ASTN2: variants seen among roughly 807,000 people sequenced by gnomAD.
ASTN2 encodes the protein astrotactin 2.
A neutral mutation model predicts 139.8 loss-of-function variants in ASTN2; 54 were observed. The observed-to-expected ratio is 0.39, with a 90% CI of 0.31 to 0.48. ASTN2 has a LOEUF of 0.48. Ranked by LOEUF, ASTN2 falls within the 20% of genes least tolerant of loss-of-function variation. The probability of loss-of-function intolerance (pLI) is 0.95; values close to 1 mark genes in which losing one functional copy is unlikely to be tolerated. For missense variants in ASTN2, 1,565 were observed against 1,725.1 expected, an observed-to-expected ratio of 0.91 and a Z score of 1.64; for synonymous variants, 756 against 719.5, an observed-to-expected ratio of 1.05 and a Z score of -0.81.
intron 4 of ASTN2, among the ~76,000 whole-genome samples, chr9:117,130,557 G>A (rs558930697): frequency 2.6e-5 from 4 of 152,148 alleles, no homozygotes; most frequent in South Asian, 2.1e-4. Context: ...CCTTAAGCCC[G>A]GGGGGCTTCC....
At chr9:116,928,400 A>G (rs112959879) in intron 10 of ASTN2, among the ~76,000 whole-genome samples, 4,342 of 152,158 alleles carry the variant, frequency 0.029, 229 homozygotes, top group African/African-American at 0.1. Context: ...AAAATTCCAC[A>G]TATAGATTTG....
chr9:116,641,801 T>C (rs564589978), intron 17 of ASTN2, among the ~76,000 whole-genome samples: 5 of 152,262 alleles, frequency 3.3e-5, no homozygotes, highest in East Asian at 1.9e-4. Context: ...TCTTTTGTAA[T>C]TGACCATGAG....
At chr9:117,077,419 A>C (rs1229879393) in intron 5 of ASTN2, among the ~76,000 whole-genome samples, 1 of 152,144 alleles carries the variant, frequency 6.6e-6, no homozygotes, top group East Asian at 1.9e-4. Flanking sequence ...GGAGCTATAA[A>C]GTAAGTAAGC....
intron 7 of ASTN2, among the ~76,000 whole-genome samples, chr9:116,978,636 G>A (rs973453500): frequency 1.3e-5 from 2 of 151,888 alleles, no homozygotes; most frequent in Non-Finnish European, 2.9e-5. Flanking sequence ...TAGGGACTAT[G>A]CAAATTTTAT....
chr9:116,956,144 G>A (rs1188516328), intron 10 of ASTN2, among the ~76,000 whole-genome samples: 4 of 129,176 alleles, frequency 3.1e-5, no homozygotes, highest in Admixed American at 3.0e-4. Context: ...TGCCCAGGCT[G>A]GAGTGCAATG....
At chr9:117,018,226 T>C (rs1398397896) in intron 6 of ASTN2, among the ~76,000 whole-genome samples, 2 of 152,236 alleles carry the variant, frequency 1.3e-5, no homozygotes, top group South Asian at 2.1e-4. Context: ...AATTAACAAA[T>C]GAATGAGTGC....
At chr9:117,104,725 T>C (rs1439963994) in intron 4 of ASTN2, among the ~76,000 whole-genome samples, 1 of 152,218 alleles carries the variant, frequency 6.6e-6, no homozygotes, top group East Asian at 1.9e-4. Flanking sequence ...TTCTTATTGT[T>C]GCTCCTACGC....
chr9:116,558,037 C>CT (rs1852721679), intron 19 of ASTN2, among the ~76,000 whole-genome samples: 1 of 152,178 alleles, frequency 6.6e-6, no homozygotes. Context: ...GTTGATCAGT[C>CT]TTTTCTTTCA....
intron 10 of ASTN2, among the ~76,000 whole-genome samples, chr9:116,926,080 C>T (rs1342789389): frequency 6.6e-6 from 1 of 152,142 alleles, no homozygotes; most frequent in African/African-American, 2.4e-5. Flanking sequence ...AACTGGTCTA[C>T]TGTGCATGCC....
At chr9:117,296,072 G>A (rs1358257455) in intron 1 of ASTN2, among the ~76,000 whole-genome samples, 1 of 151,858 alleles carries the variant, frequency 6.6e-6, no homozygotes, top group Non-Finnish European at 1.5e-5. Flanking sequence ...GAGGTCAAGA[G>A]TTCGAGACCA....
At position 116,729,115 on chromosome 9, in the gene ASTN2, T is replaced by C; in HGVS notation, c.2522-19A>G. On this transcript the variant is annotated intron_variant, in intron 14 of 22. Coordinates refer to ENST00000313400, the MANE Select transcript of ASTN2 (RefSeq NM_001365068.1). ...ATATCTCCTGGGAGAGAAAATAAGA[T>C]GGTCACGTGAGCCCAGAATTAAGAC... is the stretch of plus-strand genomic sequence containing the variant. 11 of 1,548,822 alleles carry C rather than the reference T, an allele frequency of 7.1e-6. No homozygotes were observed. Among genetic ancestry groups the C allele is most frequent in the Non-Finnish European group, 9.6e-6 (11 of 1,140,474 alleles).
intron 2 of ASTN2, among the ~76,000 whole-genome samples, chr9:117,233,476 T>C (rs1408381842): frequency 1.3e-5 from 2 of 152,146 alleles, no homozygotes; most frequent in East Asian, 3.9e-4. Context: ...GCTTTGCAAA[T>C]TACTAAGGGC....
intron 11 of ASTN2, among the ~76,000 whole-genome samples, chr9:116,840,576 C>T (rs1832201382): frequency 8.9e-6 from 1 of 112,948 alleles, no homozygotes; most frequent in Non-Finnish European, 1.8e-5. Context: ...CACCTCCCTC[C>T]CGGACGAGGT....
intron 16 of ASTN2, among the ~76,000 whole-genome samples, chr9:116,673,875 C>T (rs1008195628): frequency 1.3e-5 from 2 of 152,148 alleles, no homozygotes; most frequent in African/African-American, 4.8e-5. Context: ...GATGAAGCCA[C>T]CTTTGCTAAA....
intron 1 of ASTN2, among the ~76,000 whole-genome samples, chr9:117,410,424 G>A: frequency 6.6e-6 from 1 of 152,130 alleles, no homozygotes; most frequent in East Asian, 1.9e-4. Context: ...AAGGAAAACA[G>A]ACAGTACAAA....
At chr9:116,549,350 C>A (rs971958340) in intron 19 of ASTN2, among the ~76,000 whole-genome samples, 2 of 152,022 alleles carry the variant, frequency 1.3e-5, no homozygotes, top group Non-Finnish European at 2.9e-5. Context: ...GAAATAAAAG[C>A]CACAACTGAG....
intron 1 of ASTN2, among the ~76,000 whole-genome samples, chr9:117,384,100 C>A (rs1350705328): frequency 1.3e-5 from 2 of 152,154 alleles, no homozygotes; most frequent in Non-Finnish European, 2.9e-5. Context: ...GGTAGAGCAG[C>A]TCAAATATGG....
intron 1 of ASTN2, among the ~76,000 whole-genome samples, chr9:117,357,705 T>A (rs745489841): frequency 3.9e-5 from 6 of 152,184 alleles, no homozygotes; most frequent in Non-Finnish European, 7.3e-5. Flanking sequence ...GAGTTAAGAA[T>A]GTTATATCAT....
intron 13 of ASTN2, among the ~76,000 whole-genome samples, chr9:116,800,186 GCTGT>G (rs1197056199): frequency 2.0e-5 from 3 of 151,950 alleles, no homozygotes; most frequent in African/African-American, 4.8e-5. Context: ...CCCGCCTTCT[GCTGT>G]CTGTCTCTGT....
Sources: gnomAD v4.1 joint callset for allele counts (sites outside exome capture counted in the v4.1 genomes callset) on GRCh38, gnomAD v4.1.1 for gene constraint, MANE v1.5 for transcripts, NCBI Gene and HGNC (gene_info 2026-07-23, HGNC 2026-07-21) for gene names.